Variants in GUCY1A1 observed in about 807,000 individuals in gnomAD.
The protein encoded by GUCY1A1 is guanylate cyclase 1 soluble subunit alpha 1.
Under a neutral mutation model 64.5 loss-of-function variants are expected in GUCY1A1, and 48 were observed. The ratio of observed to expected loss-of-function variants is 0.74; its 90% CI spans 0.59 to 0.95. The LOEUF is 0.95. Ranked by LOEUF, GUCY1A1 falls within the 40% of genes least tolerant of loss-of-function variation. GUCY1A1 has a pLI of 0.00. For missense variants in GUCY1A1, 804 were observed against 825.3 expected, an observed-to-expected ratio of 0.97 and a Z score of 0.32; for synonymous variants, 308 against 303.4, an observed-to-expected ratio of 1.02 and a Z score of -0.16.
At position 155,734,294 on chromosome 4, in the gene GUCY1A1, C is replaced by T. The variant is rs1341200447; in HGVS notation, c.*4063C>T. 6.6e-6 allele frequency among the ~76,000 whole-genome samples: 1 copy of T among 151,918 alleles called. No homozygotes were observed. The highest frequency in any genetic ancestry group is 1.9e-4 in the East Asian group (1 of 5,152). ...CAGATGGAGCTTTACATGCAAAGCT[C>T]CAGTGAAGTCTAGTGCTGTATAATG... On this transcript the variant is annotated 3_prime_UTR_variant, in exon 10 of 10. Transcript: ENST00000506455.
At position 155,713,366 on chromosome 4, in the gene GUCY1A1, A is replaced by G. The variant is rs1209121578; in HGVS notation, c.1355A>G (p.Asp452Gly). ...ALEEEKKKTV[D>G]LLCSIFPCEV... ...GAGGAGGAGAAGAAAAAGACAGTAG[A>G]CCTTCTGTGCTCCATATTTCCCTGT... Residue 452 changes from aspartate (D) to glycine (G), a missense_variant, in exon 7 of 10, where the codon GAC becomes GGC. By Grantham distance (94) the Asp-to-Gly change is moderately conservative. Transcript: ENST00000506455. 3 of 1,614,062 alleles carry G rather than the reference A, an allele frequency of 1.9e-6. No individual in the cohort carries two copies. In the Admixed American group the frequency reaches 5.0e-5, roughly 27 times the overall value.
chr4:155,711,378 G>T (rs916468671), intron 6 of GUCY1A1, 127 bp downstream of exon 6: 3 of 548,718 alleles, frequency 5.5e-6, no homozygotes, highest in Non-Finnish European at 9.5e-6. Context: ...AATGGTAAAA[G>T]AATTGTAAAG....
chr4:155,717,607 A>G (rs1174369679), intron 8 of GUCY1A1, among the ~76,000 whole-genome samples: 1 of 152,212 alleles, frequency 6.6e-6, no homozygotes. Context: ...GGCAAACTTC[A>G]GAACAACTGC....
At chr4:155,677,236 T>C (rs2126564100) in intron 2 of GUCY1A1, among the ~76,000 whole-genome samples, 1 of 152,314 alleles carries the variant, frequency 6.6e-6, no homozygotes, top group East Asian at 1.9e-4. Flanking sequence ...TTAGGTAATG[T>C]GATTATAAGA....
chr4:155,685,670 T>TA (rs1728909846), intron 2 of GUCY1A1, among the ~76,000 whole-genome samples: 1 of 148,958 alleles, frequency 6.7e-6, no homozygotes, highest in Non-Finnish European at 1.5e-5. Context: ...ACTTCTCCAT[T>TA]AATGTGTTCT....
At chr4:155,716,425 C>A (rs575296912) in intron 7 of GUCY1A1, among the ~76,000 whole-genome samples, 10 of 152,224 alleles carry the variant, frequency 6.6e-5, no homozygotes, top group African/African-American at 2.4e-4. Context: ...CTGCTTTTTG[C>A]AGCCAGCATC....
intron 2 of GUCY1A1, among the ~76,000 whole-genome samples, chr4:155,676,979 A>C (rs1252259385): frequency 6.6e-6 from 1 of 151,428 alleles, no homozygotes; most frequent in Non-Finnish European, 1.5e-5. Flanking sequence ...CCCCATCACA[A>C]CCTGTCATGA....
chr4:155,695,522 G>A (rs1261916722), intron 2 of GUCY1A1, among the ~76,000 whole-genome samples: 6 of 152,102 alleles, frequency 3.9e-5, no homozygotes, highest in Non-Finnish European at 7.3e-5. Flanking sequence ...AACAAAGCCC[G>A]ATTGTGTAGA....
At chr4:155,702,664 T>G (rs1232457130) in intron 3 of GUCY1A1, among the ~76,000 whole-genome samples, 1 of 152,208 alleles carries the variant, frequency 6.6e-6, no homozygotes, top group Non-Finnish European at 1.5e-5. Flanking sequence ...TGTTCCACAT[T>G]GTAAATTTAA....
At position 155,736,101 on chromosome 4, in the gene GUCY1A1, T is replaced by C. The variant is rs973000954; in HGVS notation, c.*5870T>C. The C allele has an allele frequency of 1.2e-4, 19 of 152,004 alleles. No individual in the cohort carries two copies. The highest frequency in any genetic ancestry group is 4.6e-4 in the African/African-American group (19 of 41,432). The allele number at this position is 152,004 out of a possible 1,614,324, so 9.4% of individuals were successfully genotyped here. A position where few individuals can be genotyped will look rare whatever the true frequency, so the allele number is the denominator to read the frequency against. The stretch of plus-strand genomic sequence containing the variant: ...TGATGTTCACTGCCCTAGAGCACTA[T>C]TCTCCAACCTTTTAGATTCCTGCAA... On this transcript the variant is annotated 3_prime_UTR_variant, in exon 10 of 10. Coordinates refer to ENST00000506455, the MANE Select transcript of GUCY1A1 (RefSeq NM_001130682.3).
intron 6 of GUCY1A1, among the ~76,000 whole-genome samples, chr4:155,712,118 T>C (rs17033385): frequency 0.18 from 27,409 of 152,106 alleles, 2,602 homozygotes; most frequent in South Asian, 0.25. Flanking sequence ...TATCCCATCA[T>C]ATGGTTGTGC....
chr4:155,734,381 T>C lies in GUCY1A1; in HGVS notation c.*4150T>C, dbSNP rs1016577740. The C allele has an allele frequency of 6.6e-6, 1 of 151,972 alleles. No individual in the cohort carries two copies. The highest frequency in any genetic ancestry group is 2.4e-5 in the African/African-American group (1 of 41,404). The allele number at this position is 151,972 out of a possible 1,614,324, so 9.4% of individuals were successfully genotyped here. ...GTTAGTCGCCCAAAGCAGAATGGGTTAACGAATTACTGCAGTGGTTTTAGG... is the reference window on the plus strand; with the variant it reads ...GTTAGTCGCCCAAAGCAGAATGGGTCAACGAATTACTGCAGTGGTTTTAGG... On this transcript the variant is annotated 3_prime_UTR_variant, in exon 10 of 10. Transcript: ENST00000506455.
chr4:155,692,380 A>C (rs35827995), intron 2 of GUCY1A1, among the ~76,000 whole-genome samples: 5,974 of 152,284 alleles, frequency 0.039, 150 homozygotes, highest in Middle Eastern at 0.082. Flanking sequence ...ACTCTCTTCC[A>C]CAATGGCTGA....
Position 155,732,079 on chromosome 4 carries a change from AG to A in GUCY1A1, c.*1849del, listed in dbSNP as rs1735618111. 6.6e-6 allele frequency: 1 copy of A among 151,866 alleles called. No homozygotes were observed. Among genetic ancestry groups the A allele is most frequent in the Non-Finnish European group, 1.5e-5 (1 of 67,874 alleles). The allele number at this position is 151,866 out of a possible 1,614,324, so 9.4% of individuals were successfully genotyped here. A position where few individuals can be genotyped will look rare whatever the true frequency, so the allele number is the denominator to read the frequency against. ...TATTATGGGGAAATAATAGAAATAA[AG>A]AAAATGTAAAAGCATGAAATGGAAT... On this transcript the variant is annotated 3_prime_UTR_variant, in exon 10 of 10. Coordinates refer to ENST00000506455, the MANE Select transcript of GUCY1A1 (RefSeq NM_001130682.3).
Position 155,730,219 on chromosome 4 carries a change from A to G in GUCY1A1, c.2061A>G (p.Ser687=), listed in dbSNP as rs1279319031. The part of the protein sequence containing the change: ...DGNANFLGKA[S]GID ...ATGCCAATTTTTTAGGCAAAGCATC[A>G]GGAATAGATTAGCAACCTATATACC... Residue 687 remains serine, a synonymous_variant, in exon 10 of 10, where the codon TCA becomes TCG. Coordinates refer to ENST00000506455, the MANE Select transcript of GUCY1A1 (RefSeq NM_001130682.3). The G allele has an allele frequency of 1.2e-6, 2 of 1,603,710 alleles. No homozygotes were observed. Among genetic ancestry groups the G allele is most frequent in the Non-Finnish European group, 1.7e-6 (2 of 1,171,142 alleles).
Position 155,732,991 on chromosome 4 carries a change from GT to G in GUCY1A1, c.*2763del, listed in dbSNP as rs1203337695. On this transcript the variant is annotated 3_prime_UTR_variant, in exon 10 of 10. Coordinates refer to ENST00000506455, the MANE Select transcript of GUCY1A1 (RefSeq NM_001130682.3). ...GCAAAGGGAAATACAGAATTAAAAT[GT>G]TTCTTTCCATTTTGCTTTGTTTTTC... Among the ~76,000 whole-genome samples the G allele has an allele frequency of 1.3e-5, 2 of 151,762 alleles. No individual in the cohort carries two copies. Among genetic ancestry groups the G allele is most frequent in the Non-Finnish European group, 2.9e-5 (2 of 67,866 alleles).
intron 2 of GUCY1A1, among the ~76,000 whole-genome samples, chr4:155,685,651 C>T (rs962908792): frequency 6.9e-6 from 1 of 145,628 alleles, no homozygotes; most frequent in East Asian, 2.1e-4. Flanking sequence ...TTTCTGTAGC[C>T]AGGCCTATAC....
chr4:155,682,636 C>T (rs1735951463), intron 2 of GUCY1A1, among the ~76,000 whole-genome samples: 1 of 151,488 alleles, frequency 6.6e-6, no homozygotes, highest in African/African-American at 2.4e-5. Context: ...CATGCCACTG[C>T]ACTCCAGCCT....
chr4:155,721,377 G>A (rs976099029), intron 8 of GUCY1A1, among the ~76,000 whole-genome samples: 4 of 152,006 alleles, frequency 2.6e-5, no homozygotes, highest in Non-Finnish European at 5.9e-5. Context: ...TTATATCTAG[G>A]CATGGCACAA....
Sources: allele counts gnomAD v4.1 joint callset (sites outside exome capture counted in the v4.1 genomes callset), GRCh38; gene constraint gnomAD v4.1.1; transcripts MANE v1.5; gene names NCBI Gene and HGNC (gene_info 2026-07-23, HGNC 2026-07-21).